Variants in MINDY4 observed in about 807,000 individuals in gnomAD.
The protein encoded by MINDY4 is MINDY lysine 48 deubiquitinase 4.
A neutral mutation model predicts 87.0 loss-of-function variants in MINDY4; 68 were observed. The observed-to-expected ratio is 0.78, with a 90% confidence interval of 0.64 to 0.96. The LOEUF is 0.96. Ranked by LOEUF, MINDY4 falls within the 40% of genes least tolerant of loss-of-function variation. The probability of loss-of-function intolerance (pLI) is 0.00; values close to 1 mark genes in which losing one functional copy is unlikely to be tolerated. For synonymous variants in MINDY4, 379 were observed against 363.2 expected (o/e 1.04, Z -0.50); for missense variants, 919 against 928.2 (o/e 0.99, Z 0.13).
At chr7:30,889,773 T>G (rs1790742363) in intron 17 of MINDY4, among the ~76,000 whole-genome samples, 1 of 152,188 alleles carries the variant, frequency 6.6e-6, no homozygotes, top group Non-Finnish European at 1.5e-5. Flanking sequence ...TCAAAACGAT[T>G]GATGAAGGGG....
chr7:30,850,311 C>T, intron 9 of MINDY4, 143 bp from the exon 10 acceptor site: 1 of 727,256 alleles, frequency 1.4e-6, no homozygotes, highest in South Asian at 1.7e-5. Context: ...CCTTGGGGCT[C>T]CTGGGCTGCA....
intron 13 of MINDY4, among the ~76,000 whole-genome samples, chr7:30,870,302 C>A (rs376532592): frequency 4.6e-5 from 7 of 152,172 alleles, no homozygotes; most frequent in Admixed American, 2.0e-4. Flanking sequence ...GCTTATCGGC[C>A]CCCCCTCAGG....
intron 12 of MINDY4, chr7:30,858,960 A>C: frequency 1.5e-6 from 1 of 648,908 alleles, no homozygotes; most frequent in Non-Finnish European, 2.9e-6. Flanking sequence ...TGCTTGCACC[A>C]TAATGGAGCT....
intron 3 of MINDY4, among the ~76,000 whole-genome samples, chr7:30,785,071 T>G (rs533605267): frequency 9.9e-4 from 114 of 114,668 alleles, no homozygotes; most frequent in Non-Finnish European, 1.8e-3. Flanking sequence ...GTCTCTTGCC[T>G]TCTTTTTTTT....
chr7:30,831,558 G>A (rs12666373), intron 6 of MINDY4, among the ~76,000 whole-genome samples: 25,154 of 152,164 alleles, frequency 0.17, 2,744 homozygotes, highest in East Asian at 0.39. Flanking sequence ...GACCGGCATG[G>A]TGGGTGAGAG....
intron 11 of MINDY4, among the ~76,000 whole-genome samples, chr7:30,852,846 A>G (rs1236029923): frequency 6.6e-6 from 1 of 152,180 alleles, no homozygotes; most frequent in African/African-American, 2.4e-5. Flanking sequence ...AATTAGTTTC[A>G]TTTGACCTCG....
chr7:30,772,183 C>CG (rs1052521837), intron 1 of MINDY4, among the ~76,000 whole-genome samples: 2 of 151,848 alleles, frequency 1.3e-5, no homozygotes, highest in African/African-American at 4.8e-5. Flanking sequence ...AGGAGCTCGC[C>CG]GGGGGGTCTT....
At chr7:30,808,196 G>T (rs1787871332) in intron 5 of MINDY4, among the ~76,000 whole-genome samples, 1 of 152,110 alleles carries the variant, frequency 6.6e-6, no homozygotes, top group Non-Finnish European at 1.5e-5. Flanking sequence ...TCAATGTGGT[G>T]GCTGATCACC....
chr7:30,863,903 C>G (rs537040445), intron 13 of MINDY4, among the ~76,000 whole-genome samples: 2 of 152,198 alleles, frequency 1.3e-5, no homozygotes, highest in African/African-American at 4.8e-5. Context: ...AACCACATGG[C>G]TAGAACTTTC....
intron 3 of MINDY4, among the ~76,000 whole-genome samples, chr7:30,785,073 CT>C (rs70983391): frequency 1.7e-3 from 245 of 141,390 alleles, no homozygotes; most frequent in Middle Eastern, 0.011. Flanking sequence ...CTCTTGCCTT[CT>C]TTTTTTTTTT....
intron 5 of MINDY4, among the ~76,000 whole-genome samples, chr7:30,819,120 C>T (rs1788247591): frequency 6.6e-6 from 1 of 151,986 alleles, no homozygotes; most frequent in South Asian, 2.1e-4. Flanking sequence ...TTCTGTTGTT[C>T]TCTTTTGCTG....
At chr7:30,837,807 C>T (rs1562548508) in intron 7 of MINDY4, among the ~76,000 whole-genome samples, 1 of 152,194 alleles carries the variant, frequency 6.6e-6, no homozygotes, top group Admixed American at 6.5e-5. Context: ...AAGCAGAGTC[C>T]AGGTTCCCAG....
chr7:30,832,026 G>A (rs1003330737), intron 6 of MINDY4, among the ~76,000 whole-genome samples: 31 of 152,138 alleles, frequency 2.0e-4, no homozygotes, highest in South Asian at 2.1e-4. Context: ...TTCCCACCAC[G>A]TCTGGGCCCG....
intron 5 of MINDY4, among the ~76,000 whole-genome samples, chr7:30,799,879 G>A (rs1217485025): frequency 6.6e-6 from 1 of 152,292 alleles, no homozygotes; most frequent in Non-Finnish European, 1.5e-5. Flanking sequence ...AAGGTGTGAG[G>A]GCTAAGGGCT....
intron 10 of MINDY4, among the ~76,000 whole-genome samples, chr7:30,851,516 C>T (rs1789412270): frequency 6.6e-6 from 1 of 152,182 alleles, no homozygotes; most frequent in African/African-American, 2.4e-5. Flanking sequence ...GTGTCTGGCA[C>T]ATACTAAGCA....
chr7:30,829,475 G>A (rs1788631462), intron 6 of MINDY4, among the ~76,000 whole-genome samples: 1 of 152,222 alleles, frequency 6.6e-6, no homozygotes, highest in Non-Finnish European at 1.5e-5. Flanking sequence ...GGGCAGACAA[G>A]AGCTGTTCAC....
intron 5 of MINDY4, among the ~76,000 whole-genome samples, chr7:30,800,468 GT>G (rs895146369): frequency 5.3e-5 from 8 of 152,186 alleles, no homozygotes; most frequent in Non-Finnish European, 1.2e-4. Flanking sequence ...GTTCAGAGGT[GT>G]CATAGCCCAG....
In MINDY4 at chr7:30,782,116, C is replaced by T; in HGVS notation, c.323C>T (p.Pro108Leu). 1 of 1,613,946 alleles carries T rather than the reference C, an allele frequency of 6.2e-7. No homozygotes were observed. The highest frequency in any genetic ancestry group is 8.5e-7 in the Non-Finnish European group (1 of 1,179,962). ...GTTCCAAAGAAAAATAACAAAGTGC[C>T]ATCAAGATGCTCAGAGACTACACTG... ...LSVPKKNNKV[P>L]SRCSETTLVN... Residue 108 changes from proline (P) to leucine (L), a missense_variant, in exon 3 of 18, where the codon CCA becomes CTA. By Grantham distance (98) the Pro-to-Leu change is moderately conservative (BLOSUM62 -3). Transcript: ENST00000265299.
chr7:30,834,960 A>T (rs1369896147), intron 6 of MINDY4, among the ~76,000 whole-genome samples: 1 of 152,160 alleles, frequency 6.6e-6, no homozygotes, highest in Non-Finnish European at 1.5e-5. Flanking sequence ...GCCATTCAAC[A>T]TGTCTCTAGG....
Sources: gnomAD v4.1 joint callset for allele counts (sites outside exome capture counted in the v4.1 genomes callset) on GRCh38, gnomAD v4.1.1 for gene constraint, MANE v1.5 for transcripts, NCBI Gene and HGNC (gene_info 2026-07-23, HGNC 2026-07-21) for gene names.